Variants in HCN4 observed in about 807,000 individuals in gnomAD.
The protein encoded by HCN4 is hyperpolarization activated cyclic nucleotide gated potassium channel 4.
In HCN4, 29 loss-of-function variants were observed where a neutral mutation model predicts 76.9. The ratio of observed to expected loss-of-function variants is 0.38; its 90% CI spans 0.28 to 0.51. HCN4 has a LOEUF of 0.51. HCN4 is among the 20% of genes least tolerant of loss of function. The pLI is 0.90. For synonymous variants in HCN4, 772 were observed against 762.5 expected (o/e 1.01, Z -0.21); for missense variants, 1,416 against 1,715.2 (o/e 0.83, Z 3.08).
At chr15:73,324,890 G>A (rs573328492) in intron 6 of HCN4, 65 bp downstream of exon 6, 32 of 1,600,608 alleles carry the variant, frequency 2.0e-5, no homozygotes, top group African/African-American at 1.3e-4. Flanking sequence ...CTGTCCCCTC[G>A]GTATCTCCCC....
rs1295231868 is a variant in HCN4, at chr15:73,322,639, G to C, written c.3454C>G (p.Leu1152Val). Residue 1152 changes from leucine to valine, a missense_variant, in exon 8 of 8, where the codon CTG becomes GTG. Leu to Val is a conservative substitution (Grantham distance 32). Transcript: ENST00000261917. ...GAACCTGAGGATGTCTTCCGAGGCAGAGTGACGTGCTGGCCGGGGATGGCA... is the reference window on the plus strand; with the variant it reads ...GAACCTGAGGATGTCTTCCGAGGCACAGTGACGTGCTGGCCGGGGATGGCA... ...YGAIPGQHVT[L>V]PRKTSSGSLP... is the part of the protein sequence containing the mutation. 3 of 1,610,924 alleles carry C rather than the reference G, an allele frequency of 1.9e-6. No individual in the cohort carries two copies. The highest frequency in any genetic ancestry group is 2.5e-6 in the Non-Finnish European group (3 of 1,179,136).
At position 73,323,115 on chromosome 15, in the gene HCN4, G is replaced by A. The variant is rs199798661; in HGVS notation, c.2978C>T (p.Thr993Met). The stretch of plus-strand genomic sequence containing the variant: ...AGGCTGCCGTGGGGGTGTCTCTGGC[G>A]TGCTCAGTGGGCCAGTGGCCAGACC... ...SLGLATGPLS[T>M]PETPPRQPEP... Residue 993 changes from threonine (T) to methionine (M), a missense_variant, in exon 8 of 8, where the codon ACG (threonine) becomes ATG (methionine). By Grantham distance (81) the Thr-to-Met change is moderately conservative. Around this residue, in one of 6 missense-constraint regions of HCN4, gnomAD observed 633 missense variants for 579.8 expected, o/e 1.09. Coordinates refer to ENST00000261917, the MANE Select transcript of HCN4 (RefSeq NM_005477.3). 110 of 1,594,172 alleles carry A rather than the reference G, an allele frequency of 6.9e-5. No individual in the cohort carries two copies. Among genetic ancestry groups the A allele is most frequent in the Admixed American group, 3.5e-5 (2 of 57,180 alleles).
rs1265825959 is a variant in HCN4 at position 73,368,007 on chromosome 15, G to C, written c.264C>G (p.Ser88Arg). The C allele has an allele frequency of 7.1e-7, 1 of 1,409,810 alleles. No individual in the cohort carries two copies. Among genetic ancestry groups the C allele is most frequent in the Non-Finnish European group, 9.2e-7 (1 of 1,089,028 alleles). The allele number at this position is 1,409,810 out of a possible 1,614,324, so 87.3% of individuals were successfully genotyped here. The part of the protein sequence containing the change: ...EGPARGAGKS[S>R]TNGDCRRFRG... ...GGAAGCGCCTGCAGTCGCCGTTCGT[G>C]CTGGACTTGCCCGCGCCGCGGGCCG... The change falls in exon 1 of 8, where the codon AGC becomes AGG. Residue 88 changes from serine (S) to arginine (R), a missense_variant. Coordinates refer to ENST00000261917, the MANE Select transcript of HCN4 (RefSeq NM_005477.3). The surrounding 1 kb of genome is among the most constrained non-coding windows in gnomAD (Gnocchi z 6.9).
chr15:73,331,324 C>T (rs2042930973), intron 3 of HCN4, among the ~76,000 whole-genome samples: 1 of 152,202 alleles, frequency 6.6e-6, no homozygotes, highest in South Asian at 2.1e-4. Context: ...TATCGGGACT[C>T]CACCTCGGAT....
chr15:73,333,565 C>A (rs77895166), intron 2 of HCN4, among the ~76,000 whole-genome samples: 2,258 of 152,274 alleles, frequency 0.015, 59 homozygotes, highest in African/African-American at 0.052. Context: ...TACTTTTTGT[C>A]CACAGCTCAT....
chr15:73,341,041 C>T lies in HCN4; in HGVS notation c.1209+2344G>A, dbSNP rs1217253226. On this transcript the variant is annotated intron_variant, in intron 2 of 7. Coordinates refer to ENST00000261917, the MANE Select transcript of HCN4 (RefSeq NM_005477.3). ...AGTATGGGGAACCAAGGAAATGTTA[C>T]TAAGACAACTTGGTGGGGAGGGAGG... 9 of 148,266 alleles carry T rather than the reference C, an allele frequency of 6.1e-5. No individual in the cohort carries two copies. The East Asian group carries it at 1.8e-3, about 30-fold the overall frequency. The allele number at this position is 148,266 out of a possible 1,614,324, so 9.2% of individuals were successfully genotyped here.
At chr15:73,333,100 G>A (rs2042942118) in intron 2 of HCN4, among the ~76,000 whole-genome samples, 1 of 152,200 alleles carries the variant, frequency 6.6e-6, no homozygotes, top group Non-Finnish European at 1.5e-5. Flanking sequence ...CCAGCCCACT[G>A]GCACCAGCCC....
At chr15:73,364,723 G>A (rs1401996994) in intron 1 of HCN4, among the ~76,000 whole-genome samples, 1 of 152,160 alleles carries the variant, frequency 6.6e-6, no homozygotes, top group South Asian at 2.1e-4. Context: ...GGGTGGGATC[G>A]GGGGCAGGTA....
intron 1 of HCN4, among the ~76,000 whole-genome samples, chr15:73,352,258 T>C (rs1775443790): frequency 6.8e-6 from 1 of 147,502 alleles, no homozygotes; most frequent in Non-Finnish European, 1.5e-5. Flanking sequence ...GCCTCAGGAG[T>C]GCGTGCCAAA....
chr15:73,325,507 C>T lies in HCN4; in HGVS notation c.1591-63G>A. ...CAGGGGGCGTCAGCAGCCAGCCCCA[C>T]CACCTCGGCAGGCACCACATCCGGG... On this transcript the variant is annotated intron_variant, in intron 4 of 7. Coordinates refer to ENST00000261917, the MANE Select transcript of HCN4 (RefSeq NM_005477.3). The surrounding 1 kb of genome is among the most constrained non-coding windows in gnomAD (Gnocchi z 7.4). 6.4e-7 allele frequency: 1 copy of T among 1,568,302 alleles called. No homozygotes were observed. The highest frequency in any genetic ancestry group is 8.8e-7 in the Non-Finnish European group (1 of 1,138,420).
Position 73,322,730 on chromosome 15 carries a change from C to T in HCN4, c.3363G>A (p.Arg1121=). The change falls in exon 8 of 8, where the codon AGG becomes AGA. Residue 1121 remains arginine, a synonymous_variant. Coordinates refer to ENST00000261917, the MANE Select transcript of HCN4 (RefSeq NM_005477.3). ...ESMAAFPLFP[R]AGGGSGGSGS... ...CACTGCCCCCGCTGCCACCCCCAGC[C>T]CTGGGGAAGAGCGGGAAGGCAGCCA... 4 of 1,564,062 alleles carry T rather than the reference C, an allele frequency of 2.6e-6. No homozygotes were observed. The highest frequency in any genetic ancestry group is 3.5e-6 in the Non-Finnish European group (4 of 1,154,514).
intron 2 of HCN4, among the ~76,000 whole-genome samples, chr15:73,336,298 G>A (rs1225465732): frequency 6.6e-6 from 1 of 152,152 alleles, no homozygotes; most frequent in Non-Finnish European, 1.5e-5. Flanking sequence ...GGCATCTCTG[G>A]AAGCACCCTG....
At position 73,367,655 on chromosome 15, in the gene HCN4, C is replaced by A; in HGVS notation, c.616G>T (p.Val206Leu). 3 of 1,609,462 alleles carry A rather than the reference C, an allele frequency of 1.9e-6. No individual in the cohort carries two copies. Among genetic ancestry groups the A allele is most frequent in the Non-Finnish European group, 2.5e-6 (3 of 1,179,908 alleles). ...AGDQILPEAE[V>L]RLGQAGFMQR... ...ATGAAGCCGGCCTGGCCCAGGCGCA[C>A]CTCGGCCTCCGGGAGGATCTGGTCG... The change falls in exon 1 of 8, where the codon GTG becomes TTG. Residue 206 changes from valine to leucine, a missense_variant. Val to Leu is a conservative substitution (Grantham distance 32). Transcript: ENST00000261917. The surrounding 1 kb of genome is among the most constrained non-coding windows in gnomAD (Gnocchi z 7.5).
At chr15:73,330,904 T>C (rs1192545043) in intron 3 of HCN4, among the ~76,000 whole-genome samples, 1 of 152,226 alleles carries the variant, frequency 6.6e-6, no homozygotes, top group African/African-American at 2.4e-5. Flanking sequence ...CCTTTACTGC[T>C]GAGCCTCTGG....
chr15:73,333,414 A>G (rs556229057), intron 2 of HCN4, among the ~76,000 whole-genome samples: 1 of 152,288 alleles, frequency 6.6e-6, no homozygotes, highest in South Asian at 2.1e-4. Flanking sequence ...TGCCACAGAG[A>G]CCTAGTTTAA....
At chr15:73,359,134 A>T (rs1207333936) in intron 1 of HCN4, among the ~76,000 whole-genome samples, 1 of 152,254 alleles carries the variant, frequency 6.6e-6, no homozygotes, top group Non-Finnish European at 1.5e-5. Flanking sequence ...GCAGCCAATT[A>T]TCAGGCCCCC....
rs1202070463 is a variant in HCN4, at chr15:73,343,881, G to A, written c.786-73C>T. ...GTTACAGACTAAGGGAGGAAGATCTGAGGGACAGCATCTGGGACAGAGAAG... is the reference window on the plus strand; with the variant it reads ...GTTACAGACTAAGGGAGGAAGATCTAAGGGACAGCATCTGGGACAGAGAAG... On this transcript the variant is annotated intron_variant, in intron 1 of 7. Transcript: ENST00000261917. The surrounding 1 kb of genome is among the most constrained non-coding windows in gnomAD (Gnocchi z 5.7). The A allele has an allele frequency of 2.0e-5, 30 of 1,498,470 alleles. No homozygotes were observed. Among genetic ancestry groups the A allele is most frequent in the Non-Finnish European group, 2.6e-5 (28 of 1,078,850 alleles). The allele number at this position is 1,498,470 out of a possible 1,614,324, so 92.8% of individuals were successfully genotyped here. A position where few individuals can be genotyped will look rare whatever the true frequency, so the allele number is the denominator to read the frequency against.
rs1015727856 is a variant in HCN4 at position 73,328,780 on chromosome 15, A to C, written c.1590+793T>G. Reference sequence around the variant, plus strand: ...CTGTTGAGACCCCAGGGAGAGATGAAGCTGGGGACGGGGGAAGGTGGTTGG... The same window carrying C: ...CTGTTGAGACCCCAGGGAGAGATGACGCTGGGGACGGGGGAAGGTGGTTGG... On this transcript the variant is annotated intron_variant, in intron 4 of 7. Transcript: ENST00000261917. This position sits in a 1 kb window ranked among gnomAD's most constrained non-coding sequence, Gnocchi z 4.0. Among the ~76,000 whole-genome samples, 2 of 152,152 alleles carry C rather than the reference A, an allele frequency of 1.3e-5. No homozygotes were observed. The highest frequency in any genetic ancestry group is 2.4e-5 in the African/African-American group (1 of 41,432).
rs1370169362 is a variant in HCN4, at chr15:73,368,309, A to C, written c.-39T>G. ...GGGGTCGGACCGGGCCGGGGGCAGGAGCGCGGCGCCGCGGACGGGCTCCAG... is the reference window on the plus strand; with the variant it reads ...GGGGTCGGACCGGGCCGGGGGCAGGCGCGCGGCGCCGCGGACGGGCTCCAG... On this transcript the variant is annotated 5_prime_UTR_variant, in exon 1 of 8. Coordinates refer to ENST00000261917, the MANE Select transcript of HCN4 (RefSeq NM_005477.3). The surrounding 1 kb of genome is among the most constrained non-coding windows in gnomAD (Gnocchi z 6.9). The C allele has an allele frequency of 2.1e-6, 3 of 1,404,266 alleles. No individual in the cohort carries two copies. The highest frequency in any genetic ancestry group is 2.8e-6 in the Non-Finnish European group (3 of 1,075,452). The allele number at this position is 1,404,266 out of a possible 1,614,324, so 87.0% of individuals were successfully genotyped here.
Sources: gnomAD v4.1 joint callset for allele counts (sites outside exome capture counted in the v4.1 genomes callset) on GRCh38, gnomAD v4.1.1 for gene constraint, gnomAD v4.1.1 regional missense constraint, Gnocchi (gnomAD v3.1) non-coding constraint, MANE v1.5 for transcripts, NCBI Gene and HGNC (gene_info 2026-07-23, HGNC 2026-07-21) for gene names.